The following PPIG variants were observed in gnomAD, a reference collection of about 807,000 sequenced individuals.
PPIG encodes the protein peptidylprolyl isomerase G, also known as peptidyl-prolyl cis-trans isomerase G.
In PPIG, 26 loss-of-function variants were observed where a neutral mutation model predicts 87.9. The observed-to-expected ratio is 0.30, with a 90% confidence interval of 0.22 to 0.41. PPIG has a LOEUF of 0.41. Among genes scored for constraint, PPIG ranks in the 10% least tolerant of loss-of-function variants. The pLI is 1.00. For synonymous variants in PPIG, 308 were observed against 276.5 expected (o/e 1.11, Z -1.13); for missense variants, 722 against 879.4 (o/e 0.82, Z 2.26).
intron 1 of PPIG, among the ~76,000 whole-genome samples, chr2:169,601,377 T>A (rs960576637): frequency 1.3e-5 from 2 of 152,244 alleles, no homozygotes; most frequent in African/African-American, 4.8e-5. Context: ...AATTCAGGTT[T>A]ATCACATCAT....
Position 169,636,514 on chromosome 2 carries a change from A to C in PPIG, c.1256A>C (p.Lys419Thr), listed in dbSNP as rs770520158. Residue 419 changes from lysine (K) to threonine (T), a missense_variant, in exon 14 of 14, where the codon AAA becomes ACA. Transcript: ENST00000260970. Reference sequence around the variant, plus strand: ...AATGTATCTGAGAGTCCAAACAGAAAAAATGAAAAGGAGAAGAAAGTTAAA... The same window carrying C: ...AATGTATCTGAGAGTCCAAACAGAACAAATGAAAAGGAGAAGAAAGTTAAA... ...HRNVSESPNR[K>T]NEKEKKVKDH... is the part of the protein sequence containing the mutation. The C allele has an allele frequency of 6.2e-7, 1 of 1,610,086 alleles. No individual in the cohort carries two copies. Among genetic ancestry groups the C allele is most frequent in the African/African-American group, 1.3e-5 (1 of 74,612 alleles).
chr2:169,618,860 T>C lies in PPIG; in HGVS notation c.547+4136T>C, dbSNP rs144198849. ...TTTTTAAAGGGTTTTTTGTTTCTCT[T>C]ATTTCCTTCGGTTCTGCTCTGATCT... is the stretch of plus-strand genomic sequence containing the variant. On this transcript the variant is annotated intron_variant, in intron 9 of 13. Transcript: ENST00000260970. 4.3e-4 allele frequency among the ~76,000 whole-genome samples: 66 copies of C among 152,100 alleles called. 1 individual carries two copies. Among genetic ancestry groups the C allele is most frequent in the African/African-American group, 1.4e-3 (58 of 41,548 alleles).
In PPIG at chr2:169,613,325, T is replaced by A. The variant is rs146077173; in HGVS notation, c.378-1139T>A. Among the ~76,000 whole-genome samples, 177 of 152,326 alleles carry A rather than the reference T, an allele frequency of 1.2e-3. 1 individual carries two copies. Among genetic ancestry groups the A allele is most frequent in the Non-Finnish European group, 1.9e-3 (126 of 68,024 alleles). ...AGGTAAACCTAAAAATTCAGCTATATGTTATAATTTTTTCAGTGGTATTGT... is the reference window on the plus strand; with the variant it reads ...AGGTAAACCTAAAAATTCAGCTATAAGTTATAATTTTTTCAGTGGTATTGT... On this transcript the variant is annotated intron_variant, in intron 7 of 13. Transcript: ENST00000260970.
At chr2:169,589,119 A>C (rs1422161115) in intron 1 of PPIG, among the ~76,000 whole-genome samples, 1 of 152,142 alleles carries the variant, frequency 6.6e-6, no homozygotes, top group Non-Finnish European at 1.5e-5. Context: ...TAAGTGCGTA[A>C]TATCCTTATT....
At chr2:169,593,233 C>T (rs1179643646) in intron 1 of PPIG, among the ~76,000 whole-genome samples, 4 of 151,846 alleles carry the variant, frequency 2.6e-5, no homozygotes, top group Non-Finnish European at 2.9e-5. Flanking sequence ...TTGCTCTTGT[C>T]GTCCAGGGTG....
Position 169,637,350 on chromosome 2 carries a change from G to C in PPIG, c.2092G>C (p.Asp698His). 1 of 1,610,542 alleles carries C rather than the reference G, an allele frequency of 6.2e-7. No homozygotes were observed. Among genetic ancestry groups the C allele is most frequent in the Non-Finnish European group, 8.5e-7 (1 of 1,179,366 alleles). The change falls in exon 14 of 14, where the codon GAC becomes CAC. Residue 698 changes from aspartate (D) to histidine (H), a missense_variant. This residue lies in a region of PPIG where 476 missense variants were observed against 483.1 expected (regional missense o/e 0.99). Coordinates refer to ENST00000260970, the MANE Select transcript of PPIG (RefSeq NM_004792.3). ...PFSKIKQSSQDNELKSSMLKN... is the reference protein window; with the variant it reads ...PFSKIKQSSQHNELKSSMLKN... ...CTCAAAAATAAAACAAAGCAGTCAG[G>C]ACAATGAATTAAAGTCCTCCATGTT...
chr2:169,587,574 T>G (rs905324837), intron 1 of PPIG, among the ~76,000 whole-genome samples: 7 of 152,146 alleles, frequency 4.6e-5, no homozygotes, highest in African/African-American at 1.7e-4. Context: ...AAACTTCAAT[T>G]TTCATGTTGC....
chr2:169,595,789 CAGTTT>C (rs1684999783), intron 1 of PPIG, among the ~76,000 whole-genome samples: 1 of 152,054 alleles, frequency 6.6e-6, no homozygotes, highest in Non-Finnish European at 1.5e-5. Flanking sequence ...ATATGTATCA[CAGTTT>C]TTTGTTTTGT....
chr2:169,584,850 C>A, intron 1 of PPIG: 1 of 272,914 alleles, frequency 3.7e-6, no homozygotes, highest in Non-Finnish European at 7.2e-6. Flanking sequence ...TCTAGGGAGC[C>A]GGGTTGATTT....
At chr2:169,599,707 A>G (rs2592810) in intron 1 of PPIG, among the ~76,000 whole-genome samples, 148,953 of 152,230 alleles carry the variant, frequency 0.98, 72,902 homozygotes, top group East Asian at 1. Context: ...TTTGATAGAC[A>G]GACAGTGAAA....
chr2:169,612,115 A>G (rs1226523771), intron 7 of PPIG, among the ~76,000 whole-genome samples: 1 of 152,096 alleles, frequency 6.6e-6, no homozygotes, highest in Non-Finnish European at 1.5e-5. Flanking sequence ...TGCTGGGGTT[A>G]TAGGTGTGAG....
At chr2:169,628,969 G>C (rs575034241) in intron 9 of PPIG, among the ~76,000 whole-genome samples, 1 of 87,548 alleles carries the variant, frequency 1.1e-5, no homozygotes, top group Non-Finnish European at 2.3e-5. Context: ...AAAAAAAAAA[G>C]GCAAGGATAA....
chr2:169,599,991 A>G (rs1292614587), intron 1 of PPIG, among the ~76,000 whole-genome samples: 1 of 152,030 alleles, frequency 6.6e-6, no homozygotes, highest in Non-Finnish European at 1.5e-5. Context: ...AAGCTGTTTC[A>G]TATCCAGGGT....
At chr2:169,587,495 C>T (rs1239265235) in intron 1 of PPIG, among the ~76,000 whole-genome samples, 1 of 152,164 alleles carries the variant, frequency 6.6e-6, no homozygotes, top group African/African-American at 2.4e-5. Context: ...CCACCTTGGC[C>T]TCCCAAAGTG....
At chr2:169,605,152 AGT>A (rs1285830861) in intron 4 of PPIG, among the ~76,000 whole-genome samples, 4 of 151,716 alleles carry the variant, frequency 2.6e-5, no homozygotes, top group African/African-American at 7.2e-5. Flanking sequence ...TGGCAAACAT[AGT>A]GAAACCTCAT....
chr2:169,627,704 CTTTTTTTTTT>C (rs777197172), intron 9 of PPIG, among the ~76,000 whole-genome samples: 10 of 101,930 alleles, frequency 9.8e-5, no homozygotes, highest in Admixed American at 2.0e-4. Flanking sequence ...AGTGGGCTTG[CTTTTTTTTTT>C]TTTTTTTTTT....
chr2:169,615,237 TG>T (rs1685581757), intron 9 of PPIG, among the ~76,000 whole-genome samples: 1 of 152,070 alleles, frequency 6.6e-6, no homozygotes, highest in Non-Finnish European at 1.5e-5. Context: ...TTAGTGGAGA[TG>T]GGGTTTCACC....
At chr2:169,624,368 C>A (rs12621572) in intron 9 of PPIG, among the ~76,000 whole-genome samples, 4,141 of 152,300 alleles carry the variant, frequency 0.027, 78 homozygotes, top group East Asian at 0.1. Context: ...GGAAATCATT[C>A]TACTTAATAA....
At position 169,636,853 on chromosome 2, in the gene PPIG, A is replaced by G. The variant is rs1275129476; in HGVS notation, c.1595A>G (p.His532Arg). 1 of 1,613,550 alleles carries G rather than the reference A, an allele frequency of 6.2e-7. No homozygotes were observed. Among genetic ancestry groups the G allele is most frequent in the Non-Finnish European group, 8.5e-7 (1 of 1,179,888 alleles). ...GAATCAAAGAGTAATGAGCATGATCACAGTAAAAGTAAGGAAAAGGATAGA... is the reference window on the plus strand; with the variant it reads ...GAATCAAAGAGTAATGAGCATGATCGCAGTAAAAGTAAGGAAAAGGATAGA... ...QLESKSNEHD[H>R]SKSKEKDRRA... The change falls in exon 14 of 14, where the codon CAC (histidine) becomes CGC (arginine). Residue 532 changes from histidine to arginine, a missense_variant. His to Arg is a conservative substitution (Grantham distance 29). This residue lies in a region of PPIG where 476 missense variants were observed against 483.1 expected (regional missense o/e 0.99). Coordinates refer to ENST00000260970, the MANE Select transcript of PPIG (RefSeq NM_004792.3).
Sources: gnomAD v4.1 joint callset for allele counts (sites outside exome capture counted in the v4.1 genomes callset) on GRCh38, gnomAD v4.1.1 for gene constraint, gnomAD v4.1.1 regional missense constraint, MANE v1.5 for transcripts, NCBI Gene and HGNC (gene_info 2026-07-23, HGNC 2026-07-21) for gene names.